The following DTNB variants were observed in gnomAD, a reference collection of about 807,000 sequenced individuals.
DTNB encodes DTN-B.
A neutral mutation model predicts 90.7 loss-of-function variants in DTNB; 63 were observed. The ratio of observed to expected loss-of-function variants is 0.69; its 90% CI spans 0.57 to 0.86. The LOEUF (loss-of-function observed/expected upper bound fraction) is 0.86, where lower values mean the gene tolerates loss of function less well. Ranked by LOEUF, DTNB falls within the 40% of genes least tolerant of loss-of-function variation. The probability of loss-of-function intolerance (pLI) is 0.00; values close to 1 mark genes in which losing one functional copy is unlikely to be tolerated. For missense variants in DTNB, 744 were observed against 807.1 expected, an observed-to-expected ratio of 0.92 and a Z score of 0.95; for synonymous variants, 277 against 286.7, an observed-to-expected ratio of 0.97 and a Z score of 0.34.
At chr2:25,452,807 AT>A (rs772784537) in intron 11 of DTNB, among the ~76,000 whole-genome samples, 5 of 147,114 alleles carry the variant, frequency 3.4e-5, no homozygotes, top group East Asian at 2.0e-4. Context: ...TTCTTCTGGG[AT>A]TTTTTTTTAA....
chr2:25,483,575 A>G (rs190290234), intron 9 of DTNB, among the ~76,000 whole-genome samples: 5 of 152,322 alleles, frequency 3.3e-5, no homozygotes. Context: ...CAAGGTTAGC[A>G]TTTTTGGTAA....
chr2:25,543,536 T>C (rs753174728), intron 8 of DTNB, among the ~76,000 whole-genome samples: 22 of 152,146 alleles, frequency 1.4e-4, no homozygotes, highest in Admixed American at 3.3e-4. Flanking sequence ...ACTCCTGACC[T>C]CAAGTGATCT....
chr2:25,518,226 A>G (rs903573350), intron 9 of DTNB, among the ~76,000 whole-genome samples: 1 of 152,222 alleles, frequency 6.6e-6, no homozygotes, highest in Admixed American at 6.5e-5. Flanking sequence ...ATAAAAAAAA[A>G]GAATACTAAG....
chr2:25,400,642 C>T (rs769768695), intron 16 of DTNB, among the ~76,000 whole-genome samples: 17 of 152,178 alleles, frequency 1.1e-4, no homozygotes, highest in Middle Eastern at 3.2e-3. Flanking sequence ...GAGGGCAATT[C>T]GCCTGGAGAA....
At chr2:25,473,577 G>A (rs1167235372) in intron 10 of DTNB, among the ~76,000 whole-genome samples, 1 of 152,122 alleles carries the variant, frequency 6.6e-6, no homozygotes, top group Non-Finnish European at 1.5e-5. Context: ...AGAGAAAAGG[G>A]GTGTGTGCGC....
chr2:25,662,683 C>CACACACACACACACACACACACACACAA (rs2083483862), intron 1 of DTNB, among the ~76,000 whole-genome samples: 13 of 101,614 alleles, frequency 1.3e-4, no homozygotes, highest in Admixed American at 9.9e-4. Flanking sequence ...CACACACAAA[C>CACACACACACACACACACACACACACAA]ACACACACAC....
chr2:25,568,544 T>C (rs1412825648), intron 8 of DTNB, among the ~76,000 whole-genome samples: 2 of 152,300 alleles, frequency 1.3e-5, no homozygotes, highest in East Asian at 3.9e-4. Context: ...TATTTAAATA[T>C]GGTAATAAAA....
chr2:25,561,159 T>C (rs2058204247), intron 8 of DTNB, among the ~76,000 whole-genome samples: 1 of 152,206 alleles, frequency 6.6e-6, no homozygotes, highest in Non-Finnish European at 1.5e-5. Flanking sequence ...ACCATCTTTA[T>C]CTTGTCTCCC....
chr2:25,506,029 A>C (rs937268896), intron 9 of DTNB, among the ~76,000 whole-genome samples: 2 of 152,234 alleles, frequency 1.3e-5, no homozygotes, highest in African/African-American at 4.8e-5. Context: ...TAACTGAAAT[A>C]AGCCAGACAC....
intron 4 of DTNB, among the ~76,000 whole-genome samples, chr2:25,613,443 T>C (rs1008426790): frequency 6.6e-6 from 1 of 152,164 alleles, no homozygotes; most frequent in African/African-American, 2.4e-5. Flanking sequence ...TTCCCATGTT[T>C]ATGTCCATGA....
intron 3 of DTNB, among the ~76,000 whole-genome samples, chr2:25,631,416 T>A (rs1434964562): frequency 6.6e-6 from 1 of 151,862 alleles, no homozygotes; most frequent in Admixed American, 6.6e-5. Context: ...ACAAAAAATT[T>A]TTTTTAATTA....
chr2:25,406,483 C>T (rs994872610), intron 16 of DTNB, among the ~76,000 whole-genome samples: 2 of 149,356 alleles, frequency 1.3e-5, no homozygotes, highest in Admixed American at 6.7e-5. Flanking sequence ...TGCGGTGAGC[C>T]GAGATCGTGC....
intron 1 of DTNB, among the ~76,000 whole-genome samples, chr2:25,661,693 T>C (rs2083208228): frequency 6.6e-6 from 1 of 152,244 alleles, no homozygotes; most frequent in Non-Finnish European, 1.5e-5. Flanking sequence ...TGTTTAATTC[T>C]GCAACACAAA....
At chr2:25,645,380 A>AT (rs1176332902) in intron 2 of DTNB, among the ~76,000 whole-genome samples, 3 of 152,104 alleles carry the variant, frequency 2.0e-5, no homozygotes, top group African/African-American at 7.2e-5. Flanking sequence ...AGAAAAAAAA[A>AT]GAAAGTAATA....
chr2:25,508,799 G>A (rs887817540), intron 9 of DTNB, among the ~76,000 whole-genome samples: 3 of 152,108 alleles, frequency 2.0e-5, no homozygotes, highest in African/African-American at 7.2e-5. Flanking sequence ...CTCCCAAAGT[G>A]CTGGGATTAT....
chr2:25,534,559 C>A (rs1282617426), intron 8 of DTNB, among the ~76,000 whole-genome samples: 3 of 152,122 alleles, frequency 2.0e-5, no homozygotes, highest in East Asian at 1.9e-4. Context: ...GGCGGCCTGG[C>A]AGAGGCGCTC....
intron 4 of DTNB, among the ~76,000 whole-genome samples, chr2:25,620,871 A>C (rs2072391339): frequency 6.6e-6 from 1 of 152,088 alleles, no homozygotes. Context: ...TAAAAAGCAA[A>C]AGAAAATAGC....
At chr2:25,552,837 T>C (rs1406392805) in intron 8 of DTNB, among the ~76,000 whole-genome samples, 1 of 147,752 alleles carries the variant, frequency 6.8e-6, no homozygotes, top group African/African-American at 2.5e-5. Flanking sequence ...AATTTCTCTT[T>C]TTGATTTTTT....
At chr2:25,656,688 T>G (rs2082129107) in intron 1 of DTNB, among the ~76,000 whole-genome samples, 2 of 152,190 alleles carry the variant, frequency 1.3e-5, no homozygotes, top group Admixed American at 1.3e-4. Flanking sequence ...TCTCCACCCC[T>G]GTCTTCCTAT....
Sources: allele counts gnomAD v4.1 joint callset (sites outside exome capture counted in the v4.1 genomes callset), GRCh38; gene constraint gnomAD v4.1.1; transcripts MANE v1.5; gene names NCBI Gene and HGNC (gene_info 2026-07-23, HGNC 2026-07-21).